The following CDH7 variants were observed in gnomAD, a reference collection of about 807,000 sequenced individuals.
The protein encoded by CDH7 is cadherin 7.
Under a neutral mutation model 71.8 loss-of-function variants are expected in CDH7, and 25 were observed. The observed-to-expected ratio is 0.35, with a 90% CI of 0.25 to 0.49. The LOEUF is 0.49. Among genes scored for constraint, CDH7 ranks in the 20% least tolerant of loss-of-function variants. The probability of loss-of-function intolerance (pLI) is 0.99; values close to 1 mark genes in which losing one functional copy is unlikely to be tolerated. For synonymous variants in CDH7, 381 were observed against 363.8 expected (o/e 1.05, Z -0.54); for missense variants, 862 against 974.6 (o/e 0.88, Z 1.54).
At chr18:65,851,905 G>A (rs12967033) in intron 7 of CDH7, among the ~76,000 whole-genome samples, 80,311 of 152,030 alleles carry the variant, frequency 0.53, 25,053 homozygotes, top group East Asian at 0.92. Context: ...TAAGATCCAC[G>A]GATCACACAC....
At chr18:65,759,614 C>A (rs1004488059) in intron 1 of CDH7, among the ~76,000 whole-genome samples, 4 of 152,012 alleles carry the variant, frequency 2.6e-5, no homozygotes, top group Non-Finnish European at 5.9e-5. Context: ...CTAACAAAAT[C>A]AATTTTATAT....
At position 65,884,592 on chromosome 18, in the gene CDH7, G is replaced by A. The variant is rs1914321157; in HGVS notation, c.*3698G>A. On this transcript the variant is annotated 3_prime_UTR_variant, in exon 12 of 12. Coordinates refer to ENST00000397968, the MANE Select transcript of CDH7 (RefSeq NM_004361.5). ...ATAGGCAATTATTTTCATGTCAACG[G>A]CATAGTTACACAATGTAGGAATGAT... 2 of 152,246 alleles carry A rather than the reference G, an allele frequency of 1.3e-5. No individual in the cohort carries two copies. Among genetic ancestry groups the A allele is most frequent in the South Asian group, 4.1e-4 (2 of 4,824 alleles). The allele number at this position is 152,246 out of a possible 1,614,324, so 9.4% of individuals were successfully genotyped here.
At chr18:65,819,282 T>C (rs1288958725) in intron 4 of CDH7, among the ~76,000 whole-genome samples, 4 of 152,154 alleles carry the variant, frequency 2.6e-5, no homozygotes, top group Non-Finnish European at 5.9e-5. Flanking sequence ...TGAAATTGGG[T>C]TTACGTAAGT....
intron 6 of CDH7, among the ~76,000 whole-genome samples, chr18:65,830,737 T>TTCTC (rs1482394932): frequency 2.0e-5 from 3 of 150,444 alleles, no homozygotes; most frequent in Non-Finnish European, 4.4e-5. Context: ...CTTTCTTTCT[T>TTCTC]TCTTTCTTCC....
intron 2 of CDH7, among the ~76,000 whole-genome samples, chr18:65,802,459 G>T (rs1239589087): frequency 1.3e-5 from 2 of 152,078 alleles, no homozygotes; most frequent in African/African-American, 4.8e-5. Context: ...ACTTTGAGTG[G>T]TGATACTTTT....
At position 65,885,962 on chromosome 18, in the gene CDH7, GA is replaced by G. The variant is rs1206903407; in HGVS notation, c.*5070del. On this transcript the variant is annotated 3_prime_UTR_variant, in exon 12 of 12. Transcript: ENST00000397968. ...TGCAGATTTAATCTCATTGTTAACA[GA>G]ATATAGAGTGTGAATTATTTGTTAT... 6.6e-6 allele frequency: 1 copy of G among 152,162 alleles called. No homozygotes were observed. Among genetic ancestry groups the G allele is most frequent in the Non-Finnish European group, 1.5e-5 (1 of 68,036 alleles). The allele number at this position is 152,162 out of a possible 1,614,324, so 9.4% of individuals were successfully genotyped here.
intron 5 of CDH7, among the ~76,000 whole-genome samples, chr18:65,823,458 C>T (rs1477287850): frequency 1.3e-5 from 2 of 151,718 alleles, no homozygotes; most frequent in Non-Finnish European, 3.0e-5. Context: ...TTTTCTAGGC[C>T]ATTATAGATC....
intron 3 of CDH7, among the ~76,000 whole-genome samples, chr18:65,813,889 G>A (rs979350406): frequency 6.6e-6 from 1 of 152,132 alleles, no homozygotes; most frequent in Non-Finnish European, 1.5e-5. Context: ...GAGGGGTTTG[G>A]TTTAAATTTT....
chr18:65,796,083 G>A (rs952089653), intron 2 of CDH7, among the ~76,000 whole-genome samples: 2 of 152,042 alleles, frequency 1.3e-5, no homozygotes, highest in African/African-American at 4.8e-5. Flanking sequence ...ATTTCTTCAT[G>A]GCAGTGTGAG....
chr18:65,862,791 ATC>A lies in CDH7; in HGVS notation c.1739_1740del (p.Ile580ThrfsTer4). 1.2e-6 allele frequency: 2 copies of A among 1,614,084 alleles called. No homozygotes were observed. Among genetic ancestry groups the A allele is most frequent in the Non-Finnish European group, 1.7e-6 (2 of 1,180,008 alleles). ...PSLSSTNTLTIRVCDCDADGV... is the reference protein window; with the variant it reads ...PSLSSTNTLTXRVCDCDADGV... The stretch of plus-strand genomic sequence containing the variant: ...ACTTAGCAGCACCAACACCCTCACC[ATC>A]CGCGTGTGTGACTGTGATGCTGACG... On this transcript the variant is annotated frameshift_variant, in exon 11 of 12. Coordinates refer to ENST00000397968, the MANE Select transcript of CDH7 (RefSeq NM_004361.5). LOFTEE classifies it high-confidence loss of function.
intron 2 of CDH7, among the ~76,000 whole-genome samples, chr18:65,806,991 C>T (rs1055281614): frequency 6.6e-6 from 1 of 151,874 alleles, no homozygotes; most frequent in Non-Finnish European, 1.5e-5. Context: ...CAATTTTCTG[C>T]TTGTGAATTT....
In CDH7 at chr18:65,754,531, G is replaced by A. The variant is rs545899300; in HGVS notation, c.-197+3381G>A. ...CTCTTTCATCAGAATTAAAATTATCGAATGTGATGTTAAACTTTAAATGGT... is the reference window on the plus strand; with the variant it reads ...CTCTTTCATCAGAATTAAAATTATCAAATGTGATGTTAAACTTTAAATGGT... On this transcript the variant is annotated intron_variant, in intron 1 of 11. Coordinates refer to ENST00000397968, the MANE Select transcript of CDH7 (RefSeq NM_004361.5). 6.6e-5 allele frequency among the ~76,000 whole-genome samples: 10 copies of A among 152,194 alleles called. No homozygotes were observed. In the East Asian group the frequency reaches 7.7e-4, roughly 12 times the overall value.
intron 2 of CDH7, among the ~76,000 whole-genome samples, chr18:65,802,871 C>A (rs1297488754): frequency 6.6e-6 from 1 of 151,912 alleles, no homozygotes; most frequent in African/African-American, 2.4e-5. Context: ...TCTTTTGGTC[C>A]CTGATGAAAA....
At chr18:65,781,906 T>TCTCTC (rs1568181869) in intron 2 of CDH7, among the ~76,000 whole-genome samples, 1 of 46,772 alleles carries the variant, frequency 2.1e-5, no homozygotes, top group African/African-American at 1.5e-4. Flanking sequence ...CTCTCTATCT[T>TCTCTC]TCTCTCTTTC....
Position 65,781,771 on chromosome 18 carries a change from C to CTTTCTTTCTTTCTTTCTTTCTTTCTATCT in CDH7, c.210+18721_210+18722insTCTTTCTTTCTTTCTTTCTTTCTATCTTT, listed in dbSNP as rs1568181257. Among the ~76,000 whole-genome samples, 30 of 39,088 alleles carry CTTTCTTTCTTTCTTTCTTTCTTTCTATCT rather than the reference C, an allele frequency of 7.7e-4. 4 individuals are homozygous for CTTTCTTTCTTTCTTTCTTTCTTTCTATCT. The highest frequency in any genetic ancestry group is 1.5e-3 in the African/African-American group (15 of 10,280). The allele number at this position is 39,088 out of a possible 152,430, so 25.6% of individuals were successfully genotyped here. On this transcript the variant is annotated intron_variant, in intron 2 of 11. Coordinates refer to ENST00000397968, the MANE Select transcript of CDH7 (RefSeq NM_004361.5). ...GTTGATTTCTTTCTTTCTTTCTTTC[C>CTTTCTTTCTTTCTTTCTTTCTTTCTATCT]TTCCTTCCTTCCTTCCTTCCTTCCT...
rs1401043053 is a variant in CDH7 at position 65,886,271 on chromosome 18, G to T, written c.*5377G>T. 1 of 152,254 alleles carries T rather than the reference G, an allele frequency of 6.6e-6. No individual in the cohort carries two copies. Among genetic ancestry groups the T allele is most frequent in the East Asian group, 1.9e-4 (1 of 5,180 alleles). The allele number at this position is 152,254 out of a possible 1,614,324, so 9.4% of individuals were successfully genotyped here. A position where few individuals can be genotyped will look rare whatever the true frequency, so the allele number is the denominator to read the frequency against. On this transcript the variant is annotated 3_prime_UTR_variant, in exon 12 of 12. Coordinates refer to ENST00000397968, the MANE Select transcript of CDH7 (RefSeq NM_004361.5). ...ATAATGGGAATTATATAAAAAGGTT[G>T]ATAATTGTTATATGGTAAACAGAGA...
intron 2 of CDH7, among the ~76,000 whole-genome samples, chr18:65,773,102 T>A (rs1476548471): frequency 6.6e-6 from 1 of 152,124 alleles, no homozygotes; most frequent in African/African-American, 2.4e-5. Flanking sequence ...CTAAGGCATG[T>A]GTGTAAGGAG....
chr18:65,821,145 A>AG (rs11450324), intron 4 of CDH7, among the ~76,000 whole-genome samples: 3,743 of 151,080 alleles, frequency 0.025, 67 homozygotes, highest in Middle Eastern at 0.042. Context: ...AAAAAAAAAC[A>AG]AGAAAAGAAA....
chr18:65,855,781 A>C (rs1913332404), intron 7 of CDH7, among the ~76,000 whole-genome samples: 1 of 152,178 alleles, frequency 6.6e-6, no homozygotes, highest in Non-Finnish European at 1.5e-5. Context: ...AACCAGGTAG[A>C]CACAGCAAGT....
Sources: allele counts gnomAD v4.1 joint callset (sites outside exome capture counted in the v4.1 genomes callset), GRCh38; gene constraint gnomAD v4.1.1; transcripts MANE v1.5; gene names NCBI Gene and HGNC (gene_info 2026-07-23, HGNC 2026-07-21).